BAZ1B: variants seen among roughly 807,000 people sequenced by gnomAD.
BAZ1B encodes tyrosine-protein kinase BAZ1B.
Under a neutral mutation model 153.8 loss-of-function variants are expected in BAZ1B, and 22 were observed. That is an observed-to-expected ratio of 0.14 (90% CI 0.10 to 0.20). BAZ1B has a LOEUF of 0.20. BAZ1B is among the 10% of genes least tolerant of loss of function. BAZ1B has a pLI of 1.00. For missense variants in BAZ1B, 1,325 were observed against 1,799.3 expected, an observed-to-expected ratio of 0.74 and a Z score of 4.77; for synonymous variants, 676 against 633.4, an observed-to-expected ratio of 1.07 and a Z score of -1.01.
chr7:73,469,572 G>A lies in BAZ1B; in HGVS notation c.2811C>T (p.Phe937=). The change falls in exon 9 of 20, where the codon TTC becomes TTT. Residue 937 remains phenylalanine, a synonymous_variant. Transcript: ENST00000339594. ...GWVHDSIDYR[F]NHHCKDHTVS... ...CTGTGTGGTCTTTGCAGTGATGGTT[G>A]AATCGGTAGTCAATGCTGTCATGTA... The A allele has an allele frequency of 1.2e-6, 2 of 1,614,186 alleles. No homozygotes were observed. The highest frequency in any genetic ancestry group is 1.7e-6 in the Non-Finnish European group (2 of 1,180,010).
intron 19 of BAZ1B, 113 bp from the exon 20 acceptor site, chr7:73,441,806 C>T: frequency 4.2e-6 from 1 of 239,036 alleles, no homozygotes; most frequent in Non-Finnish European, 8.1e-6. Flanking sequence ...GGCCTGATTA[C>T]CCCGATCCTG....
At chr7:73,494,780 T>C (rs1583933918) in intron 4 of BAZ1B, among the ~76,000 whole-genome samples, 1 of 152,222 alleles carries the variant, frequency 6.6e-6, no homozygotes, top group Non-Finnish European at 1.5e-5. Flanking sequence ...CTAATGTAAC[T>C]GTAATACAGA....
intron 2 of BAZ1B, 83 bp from the exon 3 acceptor site, chr7:73,508,554 C>A: frequency 7.0e-7 from 1 of 1,426,840 alleles, no homozygotes; most frequent in Non-Finnish European, 9.5e-7. Flanking sequence ...ACATTTCTTT[C>A]TTTCTTTTCC....
At chr7:73,460,651 A>C (rs1554570235) in intron 12 of BAZ1B, among the ~76,000 whole-genome samples, 2 of 152,112 alleles carry the variant, frequency 1.3e-5, no homozygotes. Flanking sequence ...CGCCTGGCTA[A>C]TTTTTTAAAT....
intron 4 of BAZ1B, 111 bp from the exon 5 acceptor site, chr7:73,493,032 C>T: frequency 1.7e-6 from 2 of 1,163,094 alleles, no homozygotes; most frequent in South Asian, 3.4e-5. Flanking sequence ...CTGGGTGATG[C>T]AGTACAAAAA....
intron 2 of BAZ1B, among the ~76,000 whole-genome samples, chr7:73,510,377 C>A (rs915081646): frequency 7.2e-5 from 11 of 151,900 alleles, no homozygotes; most frequent in Non-Finnish European, 1.3e-4. Context: ...TGCAGTGAGC[C>A]GAGATCGTGC....
At chr7:73,512,839 GT>G (rs71842106) in intron 1 of BAZ1B, among the ~76,000 whole-genome samples, 9,768 of 152,144 alleles carry the variant, frequency 0.064, 364 homozygotes, top group African/African-American at 0.088. Flanking sequence ...TCTAATTTTT[GT>G]TTTTTGGAAA....
chr7:73,472,721 C>T (rs568787578), intron 7 of BAZ1B, among the ~76,000 whole-genome samples: 6 of 150,766 alleles, frequency 4.0e-5, no homozygotes, highest in Non-Finnish European at 7.4e-5. Context: ...GGATTACAGG[C>T]GTGTGCCACC....
chr7:73,508,183 G>T, intron 3 of BAZ1B, 144 bp downstream of exon 3: 1 of 875,750 alleles, frequency 1.1e-6, no homozygotes. Context: ...AAACACACAA[G>T]TATTAACGTA....
chr7:73,467,093 T>C (rs1788618904), intron 9 of BAZ1B, among the ~76,000 whole-genome samples: 1 of 151,958 alleles, frequency 6.6e-6, no homozygotes, highest in African/African-American at 2.4e-5. Context: ...CCAACACACC[T>C]GGCTAATTTT....
rs1554568039 is a variant in BAZ1B at position 73,450,928 on chromosome 7, C to T, written c.3499G>A (p.Val1167Met). The T allele has an allele frequency of 3.7e-6, 6 of 1,614,154 alleles. No homozygotes were observed. The Admixed American group carries it at 6.7e-5, about 18-fold the overall frequency. ...REAQTFSRMH[V>M]LLGMLDACIK... ...CAGGCATCAAGCATCCCAAGCAGCA[C>T]GTGCATCCTGGAGAAAGTCTGAGCT... The change falls in exon 14 of 20, where the codon GTG becomes ATG. Residue 1167 changes from valine to methionine, a missense_variant. Val to Met is a conservative substitution (Grantham distance 21). Around this residue, in one of 9 missense-constraint regions of BAZ1B, gnomAD observed 431 missense variants for 563.5 expected, o/e 0.76. Transcript: ENST00000339594. The surrounding 1 kb of genome is among the most constrained non-coding windows in gnomAD (Gnocchi z 4.1).
intron 1 of BAZ1B, among the ~76,000 whole-genome samples, chr7:73,513,072 G>C (rs1790651158): frequency 6.6e-6 from 1 of 152,150 alleles, no homozygotes; most frequent in Non-Finnish European, 1.5e-5. Flanking sequence ...CTGGGCCTCA[G>C]CCTCCTGAGT....
chr7:73,508,991 C>A (rs1479014925), intron 2 of BAZ1B, among the ~76,000 whole-genome samples: 1 of 146,064 alleles, frequency 6.8e-6, no homozygotes, highest in Non-Finnish European at 1.5e-5. Flanking sequence ...CCAGCCTGGG[C>A]GACAGAGCGA....
chr7:73,489,100 G>A, intron 6 of BAZ1B, 94 bp downstream of exon 6: 1 of 1,286,522 alleles, frequency 7.8e-7, no homozygotes, highest in Non-Finnish European at 1.1e-6. Context: ...TCTGATGTTA[G>A]AGTTCAAAAC....
At chr7:73,490,838 CAGGT>C (rs1789609675) in intron 5 of BAZ1B, among the ~76,000 whole-genome samples, 1 of 151,806 alleles carries the variant, frequency 6.6e-6, no homozygotes, top group African/African-American at 2.4e-5. Flanking sequence ...CTCCCGAGCT[CAGGT>C]GATCCACCTG....
chr7:73,508,779 C>T (rs1448503783), intron 2 of BAZ1B, among the ~76,000 whole-genome samples: 3 of 151,942 alleles, frequency 2.0e-5, no homozygotes, highest in Non-Finnish European at 4.4e-5. Context: ...TTTGGGAGGC[C>T]GAGGCGGGTG....
At chr7:73,462,781 G>T in intron 12 of BAZ1B, 141 bp downstream of exon 12, 2 of 865,326 alleles carry the variant, frequency 2.3e-6, no homozygotes, top group African/African-American at 1.7e-5. Flanking sequence ...AGGTATTTTT[G>T]GTTCCATACA....
At chr7:73,442,956 G>T in intron 17 of BAZ1B, 128 bp from the exon 18 acceptor site, 1 of 718,912 alleles carries the variant, frequency 1.4e-6, no homozygotes, top group South Asian at 1.8e-5. Context: ...CAGAGGTGCT[G>T]AAACCTTCTG....
intron 11 of BAZ1B, among the ~76,000 whole-genome samples, chr7:73,463,419 T>C (rs140330537): frequency 5.3e-5 from 8 of 151,924 alleles, no homozygotes; most frequent in African/African-American, 1.2e-4. Flanking sequence ...TTTTAATTTT[T>C]TGTAGGGATG....
Sources: gnomAD v4.1 joint callset for allele counts (sites outside exome capture counted in the v4.1 genomes callset) on GRCh38, gnomAD v4.1.1 for gene constraint, gnomAD v4.1.1 regional missense constraint, Gnocchi (gnomAD v3.1) non-coding constraint, MANE v1.5 for transcripts, NCBI Gene and HGNC (gene_info 2026-07-23, HGNC 2026-07-21) for gene names.